BICD1: variants seen among roughly 807,000 people sequenced by gnomAD.
BICD1 encodes BICD cargo adaptor 1, also known as protein bicaudal D homolog 1.
Under a neutral mutation model 92.5 loss-of-function variants are expected in BICD1, and 35 were observed. The observed-to-expected ratio is 0.38, with a 90% confidence interval of 0.29 to 0.50. BICD1 has a LOEUF of 0.50. Ranked by LOEUF, BICD1 falls within the 20% of genes least tolerant of loss-of-function variation. BICD1 has a pLI of 0.93. For missense variants in BICD1, 950 were observed against 1,189.8 expected, an observed-to-expected ratio of 0.80 and a Z score of 2.97; for synonymous variants, 429 against 465.1, an observed-to-expected ratio of 0.92 and a Z score of 1.00.
chr12:32,205,769 G>C (rs892411373), intron 1 of BICD1, among the ~76,000 whole-genome samples: 3 of 143,602 alleles, frequency 2.1e-5, no homozygotes, highest in Non-Finnish European at 4.7e-5. Flanking sequence ...ACACAACCAA[G>C]ATAATGAACA....
intron 1 of BICD1, among the ~76,000 whole-genome samples, chr12:32,116,066 AT>A (rs1347695075): frequency 6.6e-6 from 1 of 152,186 alleles, no homozygotes; most frequent in Non-Finnish European, 1.5e-5. Flanking sequence ...TGAAGGTGTT[AT>A]TACAATGGAG....
chr12:32,232,462 G>A (rs935303065), intron 2 of BICD1, among the ~76,000 whole-genome samples: 1 of 151,064 alleles, frequency 6.6e-6, no homozygotes, highest in Non-Finnish European at 1.5e-5. Context: ...AAATTTGTTT[G>A]AGTTCATTGC....
At chr12:32,228,437 A>G (rs1000081146) in intron 2 of BICD1, among the ~76,000 whole-genome samples, 1 of 152,222 alleles carries the variant, frequency 6.6e-6, no homozygotes, top group African/African-American at 2.4e-5. Context: ...GAGAGGTAAC[A>G]GGAAGCCAGA....
At chr12:32,140,096 C>T (rs1377669898) in intron 1 of BICD1, among the ~76,000 whole-genome samples, 3 of 152,166 alleles carry the variant, frequency 2.0e-5, no homozygotes, top group Admixed American at 6.5e-5. Flanking sequence ...GGGCCTCTCC[C>T]GGCTGGAGAA....
chr12:32,113,125 T>C (rs1941758768), intron 1 of BICD1, among the ~76,000 whole-genome samples: 1 of 152,106 alleles, frequency 6.6e-6, no homozygotes, highest in Admixed American at 6.5e-5. Context: ...TAGAAGGTTA[T>C]GGTGATGGTC....
At chr12:32,369,482 G>T (rs1339135633) in intron 9 of BICD1, among the ~76,000 whole-genome samples, 2 of 152,406 alleles carry the variant, frequency 1.3e-5, no homozygotes, top group South Asian at 2.1e-4. Context: ...CAGAGCCAGG[G>T]GACCTGGGGT....
chr12:32,171,280 G>A (rs1373832580), intron 1 of BICD1, among the ~76,000 whole-genome samples: 1 of 152,240 alleles, frequency 6.6e-6, no homozygotes, highest in Non-Finnish European at 1.5e-5. Flanking sequence ...CTCTGCCAGT[G>A]TTCCAGGGCG....
chr12:32,130,404 C>T (rs1481039193), intron 1 of BICD1, among the ~76,000 whole-genome samples: 1 of 152,064 alleles, frequency 6.6e-6, no homozygotes, highest in Non-Finnish European at 1.5e-5. Context: ...GGGGTTTCAC[C>T]GTGGTCTCGA....
chr12:32,108,105 A>C, intron 1 of BICD1: 1 of 237,682 alleles, frequency 4.2e-6, no homozygotes, highest in Non-Finnish European at 8.4e-6. Flanking sequence ...CTGCAGAAGA[A>C]AAACAACTTT....
intron 1 of BICD1, among the ~76,000 whole-genome samples, chr12:32,131,087 A>T (rs1020754): frequency 1.3e-5 from 2 of 151,832 alleles, no homozygotes; most frequent in Non-Finnish European, 2.9e-5. Context: ...TGCCCGCCTC[A>T]GCCTCCCAAA....
rs980202174 is a variant in BICD1, at chr12:32,382,343, G to A, written c.*4716G>A. The stretch of plus-strand genomic sequence containing the variant: ...AGAAGAGCAATTAACTGCCTTTAGT[G>A]TAAGGGCGAGAGTGCATAGAAATAT... On this transcript the variant is annotated 3_prime_UTR_variant, in exon 10 of 10. Coordinates refer to ENST00000652176, the MANE Select transcript of BICD1 (RefSeq NM_001714.4). The A allele has an allele frequency of 6.6e-6, 1 of 152,120 alleles. No homozygotes were observed. Among genetic ancestry groups the A allele is most frequent in the African/African-American group, 2.4e-5 (1 of 41,460 alleles). 9.4% of individuals were successfully genotyped at this position (152,120 alleles called of 1,614,324 possible).
chr12:32,251,105 C>T (rs1946510939), intron 2 of BICD1, among the ~76,000 whole-genome samples: 2 of 152,130 alleles, frequency 1.3e-5, no homozygotes, highest in African/African-American at 2.4e-5. Context: ...ATGTTTACCT[C>T]ATTATTTTCT....
intron 2 of BICD1, among the ~76,000 whole-genome samples, chr12:32,240,985 C>T (rs897622638): frequency 6.6e-6 from 1 of 152,120 alleles, no homozygotes; most frequent in African/African-American, 2.4e-5. Context: ...ATTACCCTTC[C>T]TGCCTGGGGC....
intron 3 of BICD1, among the ~76,000 whole-genome samples, chr12:32,294,694 C>G (rs1947817965): frequency 6.7e-6 from 1 of 148,692 alleles, no homozygotes. Flanking sequence ...CCTACAATCA[C>G]TGGTCTCTCA....
chr12:32,156,108 GC>G (rs1943429450), intron 1 of BICD1, among the ~76,000 whole-genome samples: 1 of 152,242 alleles, frequency 6.6e-6, no homozygotes, highest in Non-Finnish European at 1.5e-5. Flanking sequence ...AAATGAAGTA[GC>G]AGCTCTTGTC....
intron 1 of BICD1, among the ~76,000 whole-genome samples, chr12:32,189,951 C>T (rs1006921364): frequency 2.6e-5 from 4 of 152,062 alleles, no homozygotes; most frequent in East Asian, 1.9e-4. Flanking sequence ...TGCTCACCTC[C>T]GCCTCCCAAA....
At chr12:32,370,376 T>G (rs1939692333) in intron 9 of BICD1, among the ~76,000 whole-genome samples, 1 of 151,182 alleles carries the variant, frequency 6.6e-6, no homozygotes, top group African/African-American at 2.4e-5. Context: ...AAAAAAGAAA[T>G]AATGTAATTA....
At chr12:32,113,978 T>C (rs775696705) in intron 1 of BICD1, among the ~76,000 whole-genome samples, 9 of 151,908 alleles carry the variant, frequency 5.9e-5, no homozygotes, top group Non-Finnish European at 8.8e-5. Flanking sequence ...TTCAAGTGAT[T>C]CTCCTGCGTC....
chr12:32,270,975 G>T (rs1272874435), intron 2 of BICD1, among the ~76,000 whole-genome samples: 1 of 152,152 alleles, frequency 6.6e-6, no homozygotes, highest in African/African-American at 2.4e-5. Flanking sequence ...CCGCTGGCCA[G>T]CCGGAAGCCA....
Sources: gnomAD v4.1 joint callset for allele counts (sites outside exome capture counted in the v4.1 genomes callset) on GRCh38, gnomAD v4.1.1 for gene constraint, MANE v1.5 for transcripts, NCBI Gene and HGNC (gene_info 2026-07-23, HGNC 2026-07-21) for gene names.